Variants in OSBPL8 observed in about 807,000 individuals in gnomAD.
The protein encoded by OSBPL8 is oxysterol-binding protein-related protein 8.
OSBPL8 carries 59 observed loss-of-function variants against 125.5 expected under a neutral mutation model. The observed-to-expected ratio is 0.47, with a 90% CI of 0.38 to 0.58. The LOEUF (loss-of-function observed/expected upper bound fraction) is 0.58. OSBPL8 is among the 20% of genes least tolerant of loss of function. OSBPL8 has a pLI of 0.00. For synonymous variants in OSBPL8, 330 were observed against 338.9 expected (o/e 0.97, Z 0.29); for missense variants, 758 against 1,047.8 (o/e 0.72, Z 3.82).
intron 1 of OSBPL8, among the ~76,000 whole-genome samples, chr12:76,549,576 A>G (rs925313765): frequency 1.3e-5 from 2 of 152,058 alleles, no homozygotes; most frequent in Non-Finnish European, 2.9e-5. Context: ...ATGCCCAGCT[A>G]ATTTTTAGTA....
intron 2 of OSBPL8, among the ~76,000 whole-genome samples, chr12:76,472,079 T>A (rs1056012805): frequency 6.6e-6 from 1 of 152,166 alleles, no homozygotes; most frequent in African/African-American, 2.4e-5. Flanking sequence ...CTAAAACTCA[T>A]AGAAAGAAAA....
At chr12:76,546,464 T>G (rs1463639081) in intron 1 of OSBPL8, among the ~76,000 whole-genome samples, 1 of 152,088 alleles carries the variant, frequency 6.6e-6, no homozygotes, top group Non-Finnish European at 1.5e-5. Context: ...TTATAAAACA[T>G]TCAAAGTATT....
At chr12:76,549,921 CAAAAAAAAAAAAGG>C (rs199857240) in intron 1 of OSBPL8, among the ~76,000 whole-genome samples, 112,833 of 146,346 alleles carry the variant, frequency 0.77, 42,573 homozygotes, top group East Asian at 0.93. Flanking sequence ...CAAGCAGATG[CAAAAAAAAAAAAGG>C]AAAAAAAAAT....
At chr12:76,442,283 C>G (rs1282706734) in intron 4 of OSBPL8, among the ~76,000 whole-genome samples, 1 of 152,090 alleles carries the variant, frequency 6.6e-6, no homozygotes, top group Non-Finnish European at 1.5e-5. Context: ...AATATAGGGA[C>G]AGTTGAACAA....
chr12:76,415,396 T>A (rs1868510571), intron 4 of OSBPL8, among the ~76,000 whole-genome samples: 1 of 151,868 alleles, frequency 6.6e-6, no homozygotes, highest in African/African-American at 2.4e-5. Flanking sequence ...TACAGGTGCA[T>A]GCCACCAGGC....
Position 76,371,573 on chromosome 12 carries a change from A to T in OSBPL8, c.1929T>A (p.Val643=), listed in dbSNP as rs142231795. 134 of 1,601,114 alleles carry T rather than the reference A, an allele frequency of 8.4e-5. No individual in the cohort carries two copies. Among genetic ancestry groups the T allele is most frequent in the Non-Finnish European group, 1.1e-4 (133 of 1,173,510 alleles). ...TATCAGTCTTTTTATCAGTAATAAA[A>T]ACTTCACTATCCTATATTTAAAAAA... ...ATLEGHWDSE[V]FITDKKTDNS... is the part of the protein sequence containing the mutation. Residue 643 remains valine (V), a synonymous_variant, in exon 19 of 24, where the codon GTT becomes GTA. Coordinates refer to ENST00000261183, the MANE Select transcript of OSBPL8 (RefSeq NM_020841.5).
At chr12:76,380,714 C>A (rs1273624297) in intron 15 of OSBPL8, among the ~76,000 whole-genome samples, 6 of 151,978 alleles carry the variant, frequency 3.9e-5, no homozygotes, top group Admixed American at 1.3e-4. Context: ...TATCTTCTTC[C>A]TTTCAATCTG....
intron 2 of OSBPL8, among the ~76,000 whole-genome samples, chr12:76,478,406 T>C (rs1236652538): frequency 2.0e-5 from 3 of 152,212 alleles, no homozygotes; most frequent in African/African-American, 7.2e-5. Flanking sequence ...CTCAGAGTCC[T>C]GGGAACCCAC....
intron 5 of OSBPL8, among the ~76,000 whole-genome samples, chr12:76,403,884 C>T (rs1011661168): frequency 6.6e-6 from 1 of 152,048 alleles, no homozygotes; most frequent in Admixed American, 6.6e-5. Context: ...GTGTGTATCA[C>T]CCGAAGAAAA....
chr12:76,409,051 T>G (rs1339439981), intron 5 of OSBPL8, among the ~76,000 whole-genome samples: 1 of 152,106 alleles, frequency 6.6e-6, no homozygotes, highest in Non-Finnish European at 1.5e-5. Context: ...AGACCTAAGA[T>G]AAATTATTTC....
At position 76,418,010 on chromosome 12, in the gene OSBPL8, C is replaced by CTTTTTTTTT. The variant is rs35319213; in HGVS notation, c.218-7385_218-7377dup. Among the ~76,000 whole-genome samples the CTTTTTTTTT allele has an allele frequency of 4.2e-4, 47 of 111,562 alleles. 1 individual carries two copies. Among genetic ancestry groups the CTTTTTTTTT allele is most frequent in the South Asian group, 6.4e-4 (2 of 3,102 alleles). The allele number at this position is 111,562 out of a possible 152,430, so 73.2% of individuals were successfully genotyped here. ...CAGAAAATTATATGATTTTCACTAC[C>CTTTTTTTTT]TTTTTTTTTTTTTTTTTTTTTTGAG... On this transcript the variant is annotated intron_variant, in intron 4 of 23. Transcript: ENST00000261183.
rs141194040 is a variant in OSBPL8 at position 76,423,627 on chromosome 12, C to T, written c.218-12993G>A. 2.0e-3 allele frequency among the ~76,000 whole-genome samples: 307 copies of T among 152,318 alleles called. 1 individual carries two copies. The highest frequency in any genetic ancestry group is 7.0e-3 in the African/African-American group (293 of 41,578). On this transcript the variant is annotated intron_variant, in intron 4 of 23. Transcript: ENST00000261183. ...CGTCATTAAATCTAACAGGTACCAT[C>T]TGTTTATACCTAATCTTTAAAATTC...
intron 1 of OSBPL8, among the ~76,000 whole-genome samples, chr12:76,506,375 G>A (rs770588762): frequency 2.0e-5 from 3 of 152,180 alleles, no homozygotes; most frequent in Non-Finnish European, 2.9e-5. Context: ...GCCAAAAAAT[G>A]TAAACTAGGA....
intron 2 of OSBPL8, among the ~76,000 whole-genome samples, chr12:76,460,454 C>CA (rs1252855585): frequency 7.1e-5 from 10 of 140,194 alleles, no homozygotes; most frequent in African/African-American, 2.4e-4. Flanking sequence ...AGAGCATCTA[C>CA]AGAGGCATCA....
intron 2 of OSBPL8, among the ~76,000 whole-genome samples, chr12:76,474,506 G>A (rs1363993991): frequency 6.6e-6 from 1 of 152,120 alleles, no homozygotes; most frequent in Non-Finnish European, 1.5e-5. Flanking sequence ...GGGGGAGGCA[G>A]AGTCTCACTC....
intron 18 of OSBPL8, among the ~76,000 whole-genome samples, chr12:76,373,103 A>T (rs1433655648): frequency 6.6e-6 from 1 of 152,180 alleles, no homozygotes; most frequent in Non-Finnish European, 1.5e-5. Context: ...TTCTTAAATA[A>T]TGCAGTAAGT....
chr12:76,450,704 G>A, intron 4 of OSBPL8, 147 bp downstream of exon 4: 1 of 716,034 alleles, frequency 1.4e-6, no homozygotes, highest in South Asian at 2.1e-5. Context: ...TATTATAGAT[G>A]ACCTAAACAA....
At chr12:76,502,905 A>G (rs1159182391) in intron 1 of OSBPL8, among the ~76,000 whole-genome samples, 1 of 152,228 alleles carries the variant, frequency 6.6e-6, no homozygotes, top group Non-Finnish European at 1.5e-5. Flanking sequence ...TGTGTATCAA[A>G]TATCTTTGTT....
At chr12:76,385,384 C>G (rs1054185934) in intron 14 of OSBPL8, among the ~76,000 whole-genome samples, 8 of 151,976 alleles carry the variant, frequency 5.3e-5, no homozygotes, top group South Asian at 4.2e-4. Flanking sequence ...TATATGAGTT[C>G]AAATTAATGA....
Sources: allele counts gnomAD v4.1 joint callset (sites outside exome capture counted in the v4.1 genomes callset), GRCh38; gene constraint gnomAD v4.1.1; transcripts MANE v1.5; gene names NCBI Gene and HGNC (gene_info 2026-07-23, HGNC 2026-07-21).